The following KHDRBS2 variants were observed in gnomAD, a reference collection of about 807,000 sequenced individuals.
The protein encoded by KHDRBS2 is KH RNA binding domain containing, signal transduction associated 2.
KHDRBS2 carries 26 observed loss-of-function variants against 44.3 expected under a neutral mutation model. The observed-to-expected ratio is 0.59, with a 90% CI of 0.43 to 0.81. The LOEUF (loss-of-function observed/expected upper bound fraction) is 0.81, where lower values mean the gene tolerates loss of function less well. Among genes scored for constraint, KHDRBS2 ranks in the 40% least tolerant of loss-of-function variants. The pLI, the probability that KHDRBS2 is intolerant of heterozygous loss-of-function variation, is 0.00. For synonymous variants in KHDRBS2, 194 were observed against 151.1 expected, an observed-to-expected ratio of 1.28 and a Z score of -2.08; for missense variants, 476 against 433.1, an observed-to-expected ratio of 1.10 and a Z score of -0.88.
At chr6:61,551,007 C>T in the KHDRBS2 span, among the ~76,000 whole-genome samples, 48 of 152,154 alleles carry the variant, frequency 3.2e-4, no homozygotes, top group Non-Finnish European at 5.7e-4. Context: ...CTTCTGGCCT[C>T]GAGTGATATG....
chr6:62,243,064 C>T (rs1033343053), intron 1 of KHDRBS2, among the ~76,000 whole-genome samples: 5 of 152,084 alleles, frequency 3.3e-5, no homozygotes, highest in Non-Finnish European at 7.4e-5. Context: ...CACACAGTGG[C>T]CTAACTACAG....
intron 7 of KHDRBS2, among the ~76,000 whole-genome samples, chr6:61,723,265 G>T (rs562223758): frequency 2.6e-5 from 4 of 151,942 alleles, no homozygotes; most frequent in African/African-American, 7.3e-5. Flanking sequence ...GGTAGATAAG[G>T]CCACAAAGAT....
At chr6:62,151,895 A>G (rs1210063994) in intron 2 of KHDRBS2, among the ~76,000 whole-genome samples, 1 of 152,242 alleles carries the variant, frequency 6.6e-6, no homozygotes. Context: ...TTTATAGCAC[A>G]GTTAATATAA....
At chr6:61,874,132 A>AT (rs1325333154) in intron 6 of KHDRBS2, among the ~76,000 whole-genome samples, 1 of 152,004 alleles carries the variant, frequency 6.6e-6, no homozygotes, top group Non-Finnish European at 1.5e-5. Context: ...TGATTATGTA[A>AT]TTTTTTATAT....
chr6:62,284,367 T>C (rs776313712), intron 1 of KHDRBS2, among the ~76,000 whole-genome samples: 51 of 152,230 alleles, frequency 3.4e-4, no homozygotes, highest in Non-Finnish European at 6.0e-4. Flanking sequence ...CTGGAAAATA[T>C]ATTGAAGACT....
intron 2 of KHDRBS2, among the ~76,000 whole-genome samples, chr6:62,176,144 AC>A (rs1200981044): frequency 5.9e-5 from 9 of 151,420 alleles, no homozygotes; most frequent in African/African-American, 2.2e-4. Flanking sequence ...TTTTTCATGT[AC>A]ATTTCTAAGA....
chr6:61,652,316 A>T, the KHDRBS2 span: 1 of 152,104 alleles, frequency 6.6e-6, no homozygotes, highest in Admixed American at 6.6e-5. Flanking sequence ...GATGAAGAAA[A>T]TCTGTGGAGA....
chr6:61,606,363 TTGCTCACAG>T, the KHDRBS2 span, among the ~76,000 whole-genome samples: 1 of 152,188 alleles, frequency 6.6e-6, no homozygotes. Context: ...TTTGGTTATC[TTGCTCACAG>T]TGCCAAAAAT....
At chr6:61,715,951 C>T (rs922573899) in intron 7 of KHDRBS2, among the ~76,000 whole-genome samples, 27 of 146,124 alleles carry the variant, frequency 1.8e-4, no homozygotes, top group African/African-American at 2.8e-4. Context: ...GAAAAACTGA[C>T]GTAGCAGGTT....
At chr6:62,219,549 C>T (rs1830539967) in intron 1 of KHDRBS2, among the ~76,000 whole-genome samples, 1 of 151,110 alleles carries the variant, frequency 6.6e-6, no homozygotes, top group African/African-American at 2.4e-5. Context: ...TTGAAAAACC[C>T]ATTACCAACC....
intron 6 of KHDRBS2, among the ~76,000 whole-genome samples, chr6:61,774,529 G>A (rs1293804147): frequency 6.6e-6 from 1 of 152,104 alleles, no homozygotes; most frequent in East Asian, 1.9e-4. Flanking sequence ...CAAATCAGGA[G>A]TGAACTCCCA....
the KHDRBS2 span, among the ~76,000 whole-genome samples, chr6:61,552,256 G>A: frequency 6.6e-6 from 1 of 151,390 alleles, no homozygotes; most frequent in Non-Finnish European, 1.5e-5. Flanking sequence ...ATTCCTTGGT[G>A]TTATTCTTTT....
intron 7 of KHDRBS2, among the ~76,000 whole-genome samples, chr6:61,699,502 T>G (rs1164596833): frequency 6.6e-6 from 1 of 151,910 alleles, no homozygotes; most frequent in Non-Finnish European, 1.5e-5. Flanking sequence ...TGGCTGAATA[T>G]CAAAAACCAA....
At chr6:62,080,100 T>A (rs1797107328) in intron 2 of KHDRBS2, among the ~76,000 whole-genome samples, 1 of 152,078 alleles carries the variant, frequency 6.6e-6, no homozygotes, top group Non-Finnish European at 1.5e-5. Context: ...ATAAGTGTTT[T>A]ATGACTCTAT....
chr6:61,753,394 CA>C (rs1470995283), intron 6 of KHDRBS2, among the ~76,000 whole-genome samples: 3 of 152,126 alleles, frequency 2.0e-5, no homozygotes, highest in Non-Finnish European at 4.4e-5. Context: ...GTGGTACCCC[CA>C]CCCCCCCAAA....
chr6:62,061,920 T>G (rs1176092561), intron 2 of KHDRBS2, among the ~76,000 whole-genome samples: 1 of 151,772 alleles, frequency 6.6e-6, no homozygotes, highest in Non-Finnish European at 1.5e-5. Context: ...TCATTTCATT[T>G]ATTTCATCTT....
At chr6:61,876,168 T>C (rs1337314057) in intron 6 of KHDRBS2, among the ~76,000 whole-genome samples, 1 of 152,074 alleles carries the variant, frequency 6.6e-6, no homozygotes, top group Admixed American at 6.6e-5. Flanking sequence ...GTTCCCTCTA[T>C]GCCTTACTGA....
intron 6 of KHDRBS2, among the ~76,000 whole-genome samples, chr6:61,779,209 T>G (rs1220619634): frequency 6.6e-6 from 1 of 152,122 alleles, no homozygotes; most frequent in Non-Finnish European, 1.5e-5. Context: ...TTTATTTTAA[T>G]GTCACAAAAA....
chr6:61,818,566 A>T (rs1482228528), intron 6 of KHDRBS2, among the ~76,000 whole-genome samples: 1 of 151,960 alleles, frequency 6.6e-6, no homozygotes, highest in Non-Finnish European at 1.5e-5. Flanking sequence ...CCTAGAAGAA[A>T]TGCACTTCAA....
Sources: allele counts gnomAD v4.1 joint callset (sites outside exome capture counted in the v4.1 genomes callset), GRCh38; gene constraint gnomAD v4.1.1; transcripts MANE v1.5; gene names NCBI Gene and HGNC (gene_info 2026-07-23, HGNC 2026-07-21).